TEX9: variants seen among roughly 807,000 people sequenced by gnomAD.
TEX9 encodes the protein testis expressed 9, also known as testis-expressed protein 9.
In TEX9, 74 loss-of-function variants were observed where a neutral mutation model predicts 59.6. The ratio of observed to expected loss-of-function variants is 1.24; its 90% CI spans 1.03 to 1.51. The LOEUF (loss-of-function observed/expected upper bound fraction) is 1.51, where lower values mean the gene tolerates loss of function less well. TEX9 is among the 40% of genes most tolerant of loss of function. TEX9 has a pLI of 0.00. For synonymous variants in TEX9, 186 were observed against 152.2 expected, an observed-to-expected ratio of 1.22 and a Z score of -1.64; for missense variants, 522 against 447.8, an observed-to-expected ratio of 1.17 and a Z score of -1.49.
the TEX9 span, among the ~76,000 whole-genome samples, chr15:56,460,001 AAAAAAAAAATACATATATAT>A: frequency 2.9e-5 from 1 of 33,900 alleles, no homozygotes; most frequent in African/African-American, 1.1e-4. Context: ...AAAAAAAAAA[AAAAAAAAAATACATATATAT>A]ATATATATAT....
chr15:56,280,687 T>C (rs546172202), intron 1 of TEX9, among the ~76,000 whole-genome samples: 183 of 152,376 alleles, frequency 1.2e-3, no homozygotes, highest in African/African-American at 4.1e-3. Flanking sequence ...GAATTGACTA[T>C]ACTGAAGAAA....
In TEX9 at chr15:56,365,930, A is replaced by G. The variant is rs578134993; in HGVS notation, c.119+260A>G. On this transcript the variant is annotated intron_variant, in intron 2 of 12. Coordinates refer to ENST00000352903, the Ensembl canonical transcript of TEX9. The stretch of plus-strand genomic sequence containing the variant: ...GTTTAATTTAAAACGTAGCCCAAGT[A>G]AACAGCAAGATACTGTTGGAAGTTA... The G allele has an allele frequency of 3.1e-6, 4 of 1,293,962 alleles. No individual in the cohort carries two copies. In the Admixed American group the frequency reaches 1.5e-4, roughly 47 times the overall value. 80.2% of individuals were successfully genotyped at this position (1,293,962 alleles called of 1,614,324 possible).
intron 10 of TEX9, 44 bp downstream of exon 10, chr15:56,412,480 A>G: frequency 1.3e-6 from 2 of 1,554,954 alleles, no homozygotes; most frequent in South Asian, 1.2e-5. Flanking sequence ...CCTTTTGGTA[A>G]CTACTTCTTT....
intron 1 of TEX9, among the ~76,000 whole-genome samples, chr15:56,255,088 G>T (rs1319322295): frequency 1.3e-5 from 2 of 152,060 alleles, no homozygotes; most frequent in African/African-American, 4.8e-5. Flanking sequence ...TTAAAATCTA[G>T]ATTAGACGTT....
intron 1 of TEX9, among the ~76,000 whole-genome samples, chr15:56,330,258 C>A (rs1019801321): frequency 6.6e-6 from 1 of 152,062 alleles, no homozygotes; most frequent in South Asian, 2.1e-4. Context: ...CAATACCAGA[C>A]CTGCTCTATA....
At chr15:56,340,630 A>G (rs2046354633) in intron 1 of TEX9, among the ~76,000 whole-genome samples, 1 of 152,078 alleles carries the variant, frequency 6.6e-6, no homozygotes, top group South Asian at 2.1e-4. Flanking sequence ...ATTCCACTCT[A>G]TGCTCTACTT....
chr15:56,261,132 T>C (rs182211447), intron 1 of TEX9, among the ~76,000 whole-genome samples: 28 of 152,190 alleles, frequency 1.8e-4, no homozygotes, highest in African/African-American at 6.7e-4. Flanking sequence ...TTGGTCTTGC[T>C]AAGAGTTTAT....
At chr15:56,303,594 A>C (rs1480848521) in intron 1 of TEX9, among the ~76,000 whole-genome samples, 1 of 152,140 alleles carries the variant, frequency 6.6e-6, no homozygotes, top group Non-Finnish European at 1.5e-5. Flanking sequence ...ATAGAAGAAA[A>C]ATTTCAAAAA....
chr15:56,305,726 A>G (rs1282899084), intron 1 of TEX9, among the ~76,000 whole-genome samples: 1 of 152,214 alleles, frequency 6.6e-6, no homozygotes, highest in Non-Finnish European at 1.5e-5. Context: ...TGATTTCTTG[A>G]GTAATACCCC....
chr15:56,380,431 C>G (rs1247810563), intron 3 of TEX9, among the ~76,000 whole-genome samples: 1 of 151,872 alleles, frequency 6.6e-6, no homozygotes, highest in Non-Finnish European at 1.5e-5. Flanking sequence ...TTTAGTCTTT[C>G]TACTTTAGAG....
intron 3 of TEX9, 143 bp downstream of exon 3, chr15:56,373,647 A>G (rs777618300): frequency 3.4e-5 from 21 of 620,230 alleles, no homozygotes; most frequent in Non-Finnish European, 4.6e-5. Flanking sequence ...ACATGAATAT[A>G]TATGCATAGG....
At chr15:56,274,144 G>A (rs1026889534) in intron 1 of TEX9, among the ~76,000 whole-genome samples, 1 of 152,068 alleles carries the variant, frequency 6.6e-6, no homozygotes, top group Non-Finnish European at 1.5e-5. Context: ...TGATACCACA[G>A]CTCTTGGGTG....
chr15:56,446,734 A>C (rs1288162942), downstream of TEX9: 55 of 747,350 alleles, frequency 7.4e-5, no homozygotes, highest in Admixed American at 1.5e-3. Context: ...TATTTAAGAA[A>C]TCTAGCAGTG....
At chr15:56,411,628 G>A (rs566747725) in intron 9 of TEX9, among the ~76,000 whole-genome samples, 3 of 152,264 alleles carry the variant, frequency 2.0e-5, no homozygotes, top group Non-Finnish European at 4.4e-5. Flanking sequence ...TGGTATTACT[G>A]AAAGTAACAT....
At chr15:56,392,842 A>G (rs1273090190) in intron 7 of TEX9, among the ~76,000 whole-genome samples, 1 of 152,090 alleles carries the variant, frequency 6.6e-6, no homozygotes, top group African/African-American at 2.4e-5. Context: ...ACATGGTCCC[A>G]TGTCCCATGG....
At chr15:56,266,207 A>C (rs1336087259) in intron 1 of TEX9, among the ~76,000 whole-genome samples, 1 of 151,160 alleles carries the variant, frequency 6.6e-6, no homozygotes, top group African/African-American at 2.4e-5. Context: ...GCTTACTGCA[A>C]CCTCCACTGC....
At chr15:56,447,179 T>C (rs930319141), downstream of TEX9, 1 of 358,164 alleles carries the variant, frequency 2.8e-6, no homozygotes, top group Non-Finnish European at 5.1e-6. Flanking sequence ...TGTTTGCTTA[T>C]CCTGTGTCAA....
At chr15:56,320,211 A>C (rs2045872383) in intron 1 of TEX9, among the ~76,000 whole-genome samples, 1 of 152,238 alleles carries the variant, frequency 6.6e-6, no homozygotes, top group Non-Finnish European at 1.5e-5. Context: ...AAAAGTAATC[A>C]GAGTGTATTC....
At chr15:56,393,990 C>T (rs1401548030) in intron 7 of TEX9, 175 bp from the exon 8 acceptor site, 10 of 456,060 alleles carry the variant, frequency 2.2e-5, no homozygotes, top group East Asian at 1.3e-4. Flanking sequence ...TGGATTTATT[C>T]GTCATTGACC....
Sources: allele counts gnomAD v4.1 joint callset (sites outside exome capture counted in the v4.1 genomes callset), GRCh38; gene constraint gnomAD v4.1.1; transcripts MANE v1.5; gene names NCBI Gene and HGNC (gene_info 2026-07-23, HGNC 2026-07-21).